The following ZNF804A variants were observed in gnomAD, a reference collection of about 807,000 sequenced individuals.
The protein encoded by ZNF804A is zinc finger protein 804A.
ZNF804A carries 2 observed loss-of-function variants against 16.5 expected under a neutral mutation model. The observed-to-expected ratio is 0.12, with a 90% confidence interval of 0.05 to 0.38. ZNF804A has a LOEUF of 0.38. Among genes scored for constraint, ZNF804A ranks in the 10% least tolerant of loss-of-function variants. The pLI, the probability that ZNF804A is intolerant of heterozygous loss-of-function variation, is 0.99. For missense variants in ZNF804A, 1,473 were observed against 1,390.7 expected (o/e 1.06, Z -0.94); for synonymous variants, 534 against 489.6 (o/e 1.09, Z -1.20).
intron 1 of ZNF804A, among the ~76,000 whole-genome samples, chr2:184,810,593 C>T (rs2105786436): frequency 1.3e-5 from 2 of 151,176 alleles, no homozygotes; most frequent in Middle Eastern, 6.8e-3. Context: ...CAGGTTCACG[C>T]CATTCTCCTG....
At chr2:184,808,143 A>G (rs1464348695) in intron 1 of ZNF804A, among the ~76,000 whole-genome samples, 2 of 151,562 alleles carry the variant, frequency 1.3e-5, no homozygotes, top group Non-Finnish European at 3.0e-5. Flanking sequence ...TATACTTTTC[A>G]TTTATTTACA....
intron 1 of ZNF804A, among the ~76,000 whole-genome samples, chr2:184,782,972 A>G (rs1694394237): frequency 6.6e-6 from 1 of 150,678 alleles, no homozygotes; most frequent in South Asian, 2.1e-4. Flanking sequence ...ATTAAATCTC[A>G]TATAGCTAGA....
rs369019404 is a variant in ZNF804A, at chr2:184,936,224, C to T, written c.828C>T (p.Asn276=). Residue 276 remains asparagine (N), a synonymous_variant, in exon 4 of 4, where the codon AAC becomes AAT. Transcript: ENST00000302277. ...TTTTGAGTTCTGAGGAGAAAACTAA[C>T]TCTTTTCATCCACCAGAGGCAATGT... ...DVLLSSEEKT[N]SFHPPEAMCR... is the part of the protein sequence containing the mutation. 1 of 1,613,996 alleles carries T rather than the reference C, an allele frequency of 6.2e-7. No individual in the cohort carries two copies. Among genetic ancestry groups the T allele is most frequent in the East Asian group, 2.2e-5 (1 of 44,850 alleles).
intron 1 of ZNF804A, among the ~76,000 whole-genome samples, chr2:184,807,728 A>T (rs148276455): frequency 6.6e-6 from 1 of 151,792 alleles, no homozygotes; most frequent in East Asian, 1.9e-4. Context: ...CTGATGAGTA[A>T]GACTGTCATT....
At chr2:184,845,613 C>G (rs894944490) in intron 1 of ZNF804A, among the ~76,000 whole-genome samples, 1 of 152,022 alleles carries the variant, frequency 6.6e-6, no homozygotes, top group Admixed American at 6.6e-5. Flanking sequence ...TATGGAAAAC[C>G]TTTACCTCTT....
At chr2:184,931,760 T>G (rs537755072) in intron 2 of ZNF804A, among the ~76,000 whole-genome samples, 2 of 152,298 alleles carry the variant, frequency 1.3e-5, no homozygotes, top group East Asian at 3.9e-4. Flanking sequence ...GAAAATGGGT[T>G]TTTCTTTTCT....
At chr2:184,725,669 G>A (rs983469019) in intron 1 of ZNF804A, among the ~76,000 whole-genome samples, 1 of 151,302 alleles carries the variant, frequency 6.6e-6, no homozygotes, top group Non-Finnish European at 1.5e-5. Context: ...AAGTGTGTGG[G>A]TAGTTCTATA....
chr2:184,774,520 G>A (rs376158009), intron 1 of ZNF804A, among the ~76,000 whole-genome samples: 106 of 151,728 alleles, frequency 7.0e-4, no homozygotes, highest in African/African-American at 2.5e-3. Flanking sequence ...CATTTTATTG[G>A]TTTGGTCAGA....
chr2:184,738,928 T>C (rs1207437011), intron 1 of ZNF804A, among the ~76,000 whole-genome samples: 2 of 152,198 alleles, frequency 1.3e-5, no homozygotes, highest in African/African-American at 2.4e-5. Context: ...AATTGACACA[T>C]GTTATCAAAA....
chr2:184,723,039 G>C (rs1436413106), intron 1 of ZNF804A, among the ~76,000 whole-genome samples: 1 of 151,868 alleles, frequency 6.6e-6, no homozygotes. Context: ...CTGAAGGCTA[G>C]GCTTAGTTTT....
chr2:184,938,865 C>G lies in ZNF804A; in HGVS notation c.3469C>G (p.Pro1157Ala). Residue 1157 changes from proline (P) to alanine (A), a missense_variant, in exon 4 of 4, where the codon CCT becomes GCT. Pro to Ala is a conservative substitution (Grantham distance 27). Coordinates refer to ENST00000302277, the MANE Select transcript of ZNF804A (RefSeq NM_194250.2). ...AGGACCAGTAGGACCGAGGCTTTGT[C>G]CTGGGAACCAGCCAACTTTTGTTGC... ...SVGPVGPRLC[P>A]GNQPTFVAPP... The G allele has an allele frequency of 6.2e-7, 1 of 1,614,064 alleles. No homozygotes were observed.
chr2:184,615,478 C>G (rs1472260305), intron 1 of ZNF804A, among the ~76,000 whole-genome samples: 1 of 152,100 alleles, frequency 6.6e-6, no homozygotes, highest in Non-Finnish European at 1.5e-5. Context: ...TTAACTCTCA[C>G]AATTAATTTG....
At chr2:184,649,887 G>C (rs532675259) in intron 1 of ZNF804A, among the ~76,000 whole-genome samples, 1 of 148,650 alleles carries the variant, frequency 6.7e-6, no homozygotes, top group Non-Finnish European at 1.5e-5. Context: ...TTCAGCAGAA[G>C]TACAAAGACA....
chr2:184,751,297 G>A (rs558662145), intron 1 of ZNF804A, among the ~76,000 whole-genome samples: 1 of 151,392 alleles, frequency 6.6e-6, no homozygotes, highest in Non-Finnish European at 1.5e-5. Flanking sequence ...TCAAAAAATG[G>A]TGTTGAGAAA....
chr2:184,934,803 T>C (rs1685758916), intron 3 of ZNF804A, among the ~76,000 whole-genome samples: 1 of 152,094 alleles, frequency 6.6e-6, no homozygotes, highest in Non-Finnish European at 1.5e-5. Context: ...ATATTTTACA[T>C]TATATGTACA....
chr2:184,807,373 T>G (rs1380103926), intron 1 of ZNF804A, among the ~76,000 whole-genome samples: 2 of 151,608 alleles, frequency 1.3e-5, no homozygotes, highest in East Asian at 3.8e-4. Context: ...AAGAAAGAAA[T>G]GAAAGGGGGT....
At chr2:184,831,592 G>T (rs1695262687) in intron 1 of ZNF804A, among the ~76,000 whole-genome samples, 1 of 151,998 alleles carries the variant, frequency 6.6e-6, no homozygotes, top group Admixed American at 6.6e-5. Flanking sequence ...CCATGTTAAT[G>T]AATCAGGAAC....
rs559841268 is a variant in ZNF804A, at chr2:184,710,055, G to GT, written c.111+110992dup. ...TACAGGAAATGATACATTTGTATCT[G>GT]TTTTTTTATTTGTTATTCTTTTTCT... is the stretch of plus-strand genomic sequence containing the variant. On this transcript the variant is annotated intron_variant, in intron 1 of 3. Transcript: ENST00000302277. Among the ~76,000 whole-genome samples, 317 of 150,984 alleles carry GT rather than the reference G, an allele frequency of 2.1e-3. 1 individual carries two copies. Among genetic ancestry groups the GT allele is most frequent in the African/African-American group, 7.3e-3 (301 of 41,352 alleles).
intron 1 of ZNF804A, among the ~76,000 whole-genome samples, chr2:184,600,894 G>A (rs1356873666): frequency 1.3e-5 from 2 of 152,108 alleles, no homozygotes; most frequent in Non-Finnish European, 2.9e-5. Context: ...TTGTAACCTT[G>A]TGAGTAAATT....
Sources: allele counts gnomAD v4.1 joint callset (sites outside exome capture counted in the v4.1 genomes callset), GRCh38; gene constraint gnomAD v4.1.1; transcripts MANE v1.5; gene names NCBI Gene and HGNC (gene_info 2026-07-23, HGNC 2026-07-21).